Variants in IGF1R observed in about 807,000 individuals in gnomAD.
IGF1R encodes insulin like growth factor 1 receptor.
In IGF1R, 44 loss-of-function variants were observed where a neutral mutation model predicts 144.6. The observed-to-expected ratio is 0.30, with a 90% CI of 0.24 to 0.39. IGF1R has a LOEUF of 0.39. Ranked by LOEUF, IGF1R falls within the 10% of genes least tolerant of loss-of-function variation. The probability of loss-of-function intolerance (pLI) is 1.00; values close to 1 mark genes in which losing one functional copy is unlikely to be tolerated. For missense variants in IGF1R, 1,355 were observed against 1,833.7 expected (o/e 0.74, Z 4.77); for synonymous variants, 795 against 722.8 (o/e 1.10, Z -1.60).
chr15:98,711,459 C>T (rs2053990901), intron 2 of IGF1R, among the ~76,000 whole-genome samples: 1 of 152,140 alleles, frequency 6.6e-6, no homozygotes, highest in African/African-American at 2.4e-5. Flanking sequence ...AGACTCTACT[C>T]CCTCTATGGA....
chr15:98,734,083 C>T (rs777406058), intron 2 of IGF1R, among the ~76,000 whole-genome samples: 48 of 152,238 alleles, frequency 3.2e-4, no homozygotes, highest in Non-Finnish European at 3.5e-4. Context: ...TAAAAGAGCG[C>T]GCATCGTATA....
At chr15:98,928,397 G>A (rs767124648) in intron 13 of IGF1R, among the ~76,000 whole-genome samples, 1 of 152,176 alleles carries the variant, frequency 6.6e-6, no homozygotes, top group Non-Finnish European at 1.5e-5. Context: ...CTTACTGCCA[G>A]GTCCCTCCGT....
intron 20 of IGF1R, among the ~76,000 whole-genome samples, chr15:98,955,076 A>C (rs1198355625): frequency 6.6e-6 from 1 of 152,206 alleles, no homozygotes; most frequent in Non-Finnish European, 1.5e-5. Context: ...CAAATTATTT[A>C]GTATCTTAGT....
rs186369194 is a variant in IGF1R at position 98,836,450 on chromosome 15, T to G, written c.641-54875T>G. Among the ~76,000 whole-genome samples, 1,506 of 151,112 alleles carry G rather than the reference T, an allele frequency of 1.0e-2. 30 individuals are homozygous for G. Among genetic ancestry groups the G allele is most frequent in the African/African-American group, 0.035 (1,422 of 41,126 alleles). On this transcript the variant is annotated intron_variant, in intron 2 of 20. Transcript: ENST00000650285. ...TGGGAGGATCGCATGAGCCAGGAGT[T>G]CCAGGCTGCAGTGAACTATGATCAT...
intron 15 of IGF1R, among the ~76,000 whole-genome samples, chr15:98,934,505 TGAAAA>T (rs1394622945): frequency 2.0e-5 from 3 of 152,230 alleles, no homozygotes; most frequent in African/African-American, 4.8e-5. Context: ...TTTTATGTGA[TGAAAA>T]GAAATTTTTA....
At chr15:98,831,387 A>G (rs1244454551) in intron 2 of IGF1R, among the ~76,000 whole-genome samples, 1 of 152,188 alleles carries the variant, frequency 6.6e-6, no homozygotes, top group Non-Finnish European at 1.5e-5. Context: ...AATATAGCCC[A>G]CTGTTATCTG....
At chr15:98,684,935 T>C (rs1198265194) in intron 1 of IGF1R, among the ~76,000 whole-genome samples, 2 of 142,688 alleles carry the variant, frequency 1.4e-5, no homozygotes, top group Non-Finnish European at 3.0e-5. Context: ...TTTTCCTTTT[T>C]TTTTTTTTTT....
At chr15:98,796,802 C>A (rs978245208) in intron 2 of IGF1R, among the ~76,000 whole-genome samples, 2 of 152,238 alleles carry the variant, frequency 1.3e-5, no homozygotes, top group African/African-American at 4.8e-5. Context: ...TTATTTATTT[C>A]TTCCTTGTGT....
At chr15:98,922,750 G>C (rs756225951) in intron 11 of IGF1R, among the ~76,000 whole-genome samples, 1 of 152,210 alleles carries the variant, frequency 6.6e-6, no homozygotes, top group Non-Finnish European at 1.5e-5. Flanking sequence ...CCCCTCTTGC[G>C]CACAAATCGG....
Position 98,764,328 on chromosome 15 carries a change from GTTTT to G in IGF1R, c.640+56224_640+56227del, listed in dbSNP as rs1190287655. 7.9e-5 allele frequency among the ~76,000 whole-genome samples: 12 copies of G among 152,174 alleles called. No individual in the cohort carries two copies. The East Asian group carries it at 1.9e-3, about 24-fold the overall frequency. On this transcript the variant is annotated intron_variant, in intron 2 of 20. Transcript: ENST00000650285. ...TTGGCAGGATTTTTTTTGTTATTGT[GTTTT>G]TTGTTTTTGTTTTTTTGTTACACTA... is the stretch of plus-strand genomic sequence containing the variant.
At chr15:98,714,882 T>A (rs1301419258) in intron 2 of IGF1R, among the ~76,000 whole-genome samples, 1 of 152,182 alleles carries the variant, frequency 6.6e-6, no homozygotes, top group Non-Finnish European at 1.5e-5. Flanking sequence ...TGTGGTCTGC[T>A]GCTGGTCTTC....
chr15:98,744,448 G>A (rs1210819083), intron 2 of IGF1R, among the ~76,000 whole-genome samples: 2 of 152,136 alleles, frequency 1.3e-5, no homozygotes, highest in African/African-American at 4.8e-5. Flanking sequence ...GGAGAGGGAG[G>A]AATACTGTGG....
At chr15:98,727,599 C>G (rs1459242456) in intron 2 of IGF1R, among the ~76,000 whole-genome samples, 1 of 152,152 alleles carries the variant, frequency 6.6e-6, no homozygotes, top group Non-Finnish European at 1.5e-5. Flanking sequence ...TGGGCTGTCA[C>G]CTGAGCTCAG....
At chr15:98,921,601 C>G (rs955091163) in intron 10 of IGF1R, among the ~76,000 whole-genome samples, 1 of 151,918 alleles carries the variant, frequency 6.6e-6, no homozygotes, top group Non-Finnish European at 1.5e-5. Context: ...GAAGAGAGAG[C>G]CCTGGGGTCC....
chr15:98,669,146 A>G (rs577936145), intron 1 of IGF1R, among the ~76,000 whole-genome samples: 2 of 152,286 alleles, frequency 1.3e-5, no homozygotes, highest in African/African-American at 4.8e-5. Flanking sequence ...TTAGAGACAG[A>G]TGAGACAGGC....
rs1166610510 is a variant in IGF1R at position 98,961,500 on chromosome 15, T to C, written c.*4058T>C. ...CCAAGGCATCATCTATCCACAGTTC[T>C]AGCCTAACTTCATGCTGATTTCTCT... On this transcript the variant is annotated 3_prime_UTR_variant, in exon 21 of 21. Transcript: ENST00000650285. 9 of 233,576 alleles carry C rather than the reference T, an allele frequency of 3.9e-5. No homozygotes were observed. In the East Asian group the frequency reaches 4.8e-4, roughly 13 times the overall value. 14.5% of individuals were successfully genotyped at this position (233,576 alleles called of 1,614,324 possible).
In IGF1R at chr15:98,666,704, A is replaced by G. The variant is rs560938049; in HGVS notation, c.94+17029A>G. ...AGAGTAGTCACATTCATAGAGACGGAAAGTAGAATGGTGAGGGGCGGTGAA... is the reference window on the plus strand; with the variant it reads ...AGAGTAGTCACATTCATAGAGACGGGAAGTAGAATGGTGAGGGGCGGTGAA... On this transcript the variant is annotated intron_variant, in intron 1 of 20. Transcript: ENST00000650285. 6.4e-4 allele frequency among the ~76,000 whole-genome samples: 97 copies of G among 152,252 alleles called. 1 individual carries two copies. The highest frequency in any genetic ancestry group is 1.2e-3 in the Non-Finnish European group (80 of 68,030).
At chr15:98,872,654 G>A (rs2012845429) in intron 2 of IGF1R, among the ~76,000 whole-genome samples, 2 of 152,108 alleles carry the variant, frequency 1.3e-5, no homozygotes, top group African/African-American at 4.8e-5. Flanking sequence ...TGTATACTGA[G>A]GAAAACAAGT....
At chr15:98,782,395 C>T (rs958916895) in intron 2 of IGF1R, among the ~76,000 whole-genome samples, 1 of 152,062 alleles carries the variant, frequency 6.6e-6, no homozygotes, top group Non-Finnish European at 1.5e-5. Context: ...TTAAATGTCA[C>T]CATCCCCTTC....
Sources: allele counts gnomAD v4.1 joint callset (sites outside exome capture counted in the v4.1 genomes callset), GRCh38; gene constraint gnomAD v4.1.1; transcripts MANE v1.5; gene names NCBI Gene and HGNC (gene_info 2026-07-23, HGNC 2026-07-21).